SLC7A2: variants seen among roughly 807,000 people sequenced by gnomAD.
The protein encoded by SLC7A2 is cationic amino acid transporter 2.
A neutral mutation model predicts 58.9 loss-of-function variants in SLC7A2; 48 were observed. That is an observed-to-expected ratio of 0.82 (90% CI 0.65 to 1.04). The LOEUF (loss-of-function observed/expected upper bound fraction) is 1.04, where lower values mean the gene tolerates loss of function less well. Ranked by LOEUF, SLC7A2 falls within the 50% of genes least tolerant of loss-of-function variation. SLC7A2 has a pLI of 0.00. For synonymous variants in SLC7A2, 363 were observed against 314.5 expected (o/e 1.15, Z -1.63); for missense variants, 1,029 against 818.8 (o/e 1.26, Z -3.13).
chr8:17,541,029 T>C (rs897554397), intron 2 of SLC7A2, among the ~76,000 whole-genome samples: 1 of 152,192 alleles, frequency 6.6e-6, no homozygotes, highest in Admixed American at 6.5e-5. Flanking sequence ...CCCGGAGTTG[T>C]ATATGACATG....
chr8:17,541,178 A>G (rs1033553234), intron 2 of SLC7A2, among the ~76,000 whole-genome samples: 2 of 152,192 alleles, frequency 1.3e-5, no homozygotes, highest in African/African-American at 4.8e-5. Flanking sequence ...ACAGAAGCTC[A>G]GCATTTAGTA....
intron 2 of SLC7A2, 105 bp downstream of exon 2, chr8:17,502,407 G>C (rs1563429460): frequency 6.6e-6 from 1 of 152,136 alleles, no homozygotes; most frequent in Non-Finnish European, 1.5e-5. Flanking sequence ...ATATTAGAGA[G>C]GGAAGAGTTC....
intron 8 of SLC7A2, among the ~76,000 whole-genome samples, chr8:17,556,310 G>C (rs181888723): frequency 1.9e-3 from 283 of 151,828 alleles, no homozygotes; most frequent in Admixed American, 3.6e-3. Flanking sequence ...ATACTTGCCA[G>C]TAATGATGCA....
At chr8:17,517,303 A>G (rs945121599) in intron 2 of SLC7A2, among the ~76,000 whole-genome samples, 1 of 152,186 alleles carries the variant, frequency 6.6e-6, no homozygotes, top group South Asian at 2.1e-4. Context: ...ACCACAAAAG[A>G]TGTGATTTGT....
chr8:17,503,705 T>C (rs1800259052), intron 2 of SLC7A2, among the ~76,000 whole-genome samples: 1 of 152,240 alleles, frequency 6.6e-6, no homozygotes, highest in Non-Finnish European at 1.5e-5. Context: ...TTTGTATCAA[T>C]GTGGGTATGA....
At position 17,567,469 on chromosome 8, in the gene SLC7A2, G is replaced by T. The variant is rs984347948; in HGVS notation, c.*2323G>T. 1 of 152,606 alleles carries T rather than the reference G, an allele frequency of 6.6e-6. No homozygotes were observed. The highest frequency in any genetic ancestry group is 2.4e-5 in the African/African-American group (1 of 41,448). The allele number at this position is 152,606 out of a possible 1,614,324, so 9.5% of individuals were successfully genotyped here. On this transcript the variant is annotated 3_prime_UTR_variant, in exon 13 of 13. Transcript: ENST00000494857. ...TTGCAGACACAAATATCTATGAAAAGATGCTTTGTCAGCCACTGTGCCTTT... is the reference window on the plus strand; with the variant it reads ...TTGCAGACACAAATATCTATGAAAATATGCTTTGTCAGCCACTGTGCCTTT...
intron 4 of SLC7A2, among the ~76,000 whole-genome samples, chr8:17,547,791 TG>T (rs1245943343): frequency 5.6e-5 from 7 of 124,196 alleles, no homozygotes; most frequent in African/African-American, 2.9e-4. Context: ...AAAGAGTGTG[TG>T]TGTGTGTGTG....
chr8:17,566,612 A>G lies in SLC7A2; in HGVS notation c.*1466A>G, dbSNP rs970569750. 6.6e-6 allele frequency: 1 copy of G among 152,080 alleles called. No individual in the cohort carries two copies. The highest frequency in any genetic ancestry group is 1.5e-5 in the Non-Finnish European group (1 of 68,052). 9.4% of individuals were successfully genotyped at this position (152,080 alleles called of 1,614,324 possible). ...ACATGATTATTTAAAACTGGAAACT[A>G]AAAAGAATCAAATTGAATTAAAGCT... is the stretch of plus-strand genomic sequence containing the variant. On this transcript the variant is annotated 3_prime_UTR_variant, in exon 13 of 13. Coordinates refer to ENST00000494857, the MANE Select transcript of SLC7A2 (RefSeq NM_001370338.1).
Position 17,550,425 on chromosome 8 carries a change from G to C in SLC7A2, c.823G>C (p.Ala275Pro). Residue 275 changes from alanine to proline, a missense_variant, in exon 6 of 13, where the codon GCA becomes CCA. Coordinates refer to ENST00000494857, the MANE Select transcript of SLC7A2 (RefSeq NM_001370338.1). ...TGCCTTTGTGGGATTTGACTGCATT[G>C]CAACAACTGGTAAGAGCAGTGTCTT... ...FYAFVGFDCI[A>P]TTGEEVRNPQ... is the part of the protein sequence containing the mutation. 6.2e-7 allele frequency: 1 copy of C among 1,613,416 alleles called. No individual in the cohort carries two copies. The highest frequency in any genetic ancestry group is 8.5e-7 in the Non-Finnish European group (1 of 1,179,672).
intron 8 of SLC7A2, 83 bp from the exon 9 acceptor site, chr8:17,558,212 G>A: frequency 4.9e-6 from 4 of 823,924 alleles, no homozygotes; most frequent in Non-Finnish European, 8.3e-6. Context: ...GTGGCAGTCA[G>A]ATGTCCCTGA....
intron 2 of SLC7A2, among the ~76,000 whole-genome samples, chr8:17,511,503 C>T (rs1199676236): frequency 2.0e-5 from 3 of 152,118 alleles, no homozygotes; most frequent in Non-Finnish European, 4.4e-5. Flanking sequence ...TTGAATTAGA[C>T]TAATACAGTT....
intron 2 of SLC7A2, among the ~76,000 whole-genome samples, chr8:17,529,981 C>G (rs923748805): frequency 1.3e-5 from 2 of 152,106 alleles, no homozygotes; most frequent in Admixed American, 6.6e-5. Context: ...TTGCACCAAC[C>G]TAATACGTCT....
At chr8:17,508,952 TGCC>T (rs1800484355) in intron 2 of SLC7A2, among the ~76,000 whole-genome samples, 1 of 152,198 alleles carries the variant, frequency 6.6e-6, no homozygotes, top group Non-Finnish European at 1.5e-5. Flanking sequence ...GATTGATCGT[TGCC>T]GCCTTTTGGT....
intron 2 of SLC7A2, among the ~76,000 whole-genome samples, chr8:17,506,873 T>C (rs1281685101): frequency 6.6e-6 from 1 of 152,080 alleles, no homozygotes; most frequent in Middle Eastern, 3.4e-3. Flanking sequence ...AGTCCAAGCA[T>C]GTTGAAAAAT....
chr8:17,505,171 C>T (rs1226536027), intron 2 of SLC7A2, among the ~76,000 whole-genome samples: 1 of 147,534 alleles, frequency 6.8e-6, no homozygotes, highest in East Asian at 2.1e-4. Flanking sequence ...TTCCCTCTGG[C>T]AATTTTGTGT....
chr8:17,515,714 T>G (rs1291808682), intron 2 of SLC7A2, among the ~76,000 whole-genome samples: 1 of 152,218 alleles, frequency 6.6e-6, no homozygotes, highest in Non-Finnish European at 1.5e-5. Context: ...CAGAGAACCA[T>G]GGGCTAAGCC....
At chr8:17,529,725 G>C (rs963395638) in intron 2 of SLC7A2, among the ~76,000 whole-genome samples, 1 of 151,842 alleles carries the variant, frequency 6.6e-6, no homozygotes, top group South Asian at 2.1e-4. Context: ...AGTAACGATG[G>C]GGTTTTACAC....
chr8:17,558,443 T>C, intron 9 of SLC7A2, 46 bp downstream of exon 9: 1 of 1,260,780 alleles, frequency 7.9e-7, no homozygotes, highest in Non-Finnish European at 1.1e-6. Flanking sequence ...CACGAGGGAC[T>C]CTGGGAGTGA....
chr8:17,547,440 G>A (rs1802226626), intron 4 of SLC7A2, among the ~76,000 whole-genome samples: 1 of 151,954 alleles, frequency 6.6e-6, no homozygotes, highest in Non-Finnish European at 1.5e-5. Flanking sequence ...GATTTGGGTG[G>A]GGACACAGCC....
Sources: gnomAD v4.1 joint callset for allele counts (sites outside exome capture counted in the v4.1 genomes callset) on GRCh38, gnomAD v4.1.1 for gene constraint, MANE v1.5 for transcripts, NCBI Gene and HGNC (gene_info 2026-07-23, HGNC 2026-07-21) for gene names.